The following SPPL2A variants were observed in gnomAD, a reference collection of about 807,000 sequenced individuals.
The protein encoded by SPPL2A is signal peptide peptidase-like 2A.
SPPL2A carries 51 observed loss-of-function variants against 63.8 expected under a neutral mutation model. The observed-to-expected ratio is 0.80, with a 90% CI of 0.64 to 1.01. The LOEUF (loss-of-function observed/expected upper bound fraction) is 1.01. Among genes scored for constraint, SPPL2A ranks in the 50% least tolerant of loss-of-function variants. The pLI, the probability that SPPL2A is intolerant of heterozygous loss-of-function variation, is 0.00. For missense variants in SPPL2A, 553 were observed against 622.7 expected, an observed-to-expected ratio of 0.89 and a Z score of 1.19; for synonymous variants, 188 against 205.8, an observed-to-expected ratio of 0.91 and a Z score of 0.74.
chr15:50,740,200 G>A (rs775307830), intron 5 of SPPL2A, among the ~76,000 whole-genome samples: 5 of 151,806 alleles, frequency 3.3e-5, no homozygotes, highest in South Asian at 2.1e-4. Context: ...AGGCTGAGGC[G>A]GGCGGATCAT....
chr15:50,723,744 G>A (rs1033405998), intron 12 of SPPL2A, among the ~76,000 whole-genome samples: 1 of 152,224 alleles, frequency 6.6e-6, no homozygotes, highest in Non-Finnish European at 1.5e-5. Flanking sequence ...CCAAAGGGCC[G>A]GGATTACAGG....
chr15:50,732,551 G>C lies in SPPL2A; in HGVS notation c.1014+52C>G. The C allele has an allele frequency of 2.6e-6, 3 of 1,133,608 alleles. No homozygotes were observed. The South Asian group carries it at 4.4e-5, about 17-fold the overall frequency. The allele number at this position is 1,133,608 out of a possible 1,614,324, so 70.2% of individuals were successfully genotyped here. A position where few individuals can be genotyped will look rare whatever the true frequency, so the allele number is the denominator to read the frequency against. ...TGTAGGTAAATTATGCCTTAATAAA[G>C]TTGTCTTTTAAAAATTTATTTTAAC... is the stretch of plus-strand genomic sequence containing the variant. On this transcript the variant is annotated intron_variant, in intron 9 of 14. Coordinates refer to ENST00000261854, the MANE Select transcript of SPPL2A (RefSeq NM_032802.4).
intron 14 of SPPL2A, among the ~76,000 whole-genome samples, chr15:50,711,206 CTTTTTT>C (rs1302695528): frequency 8.7e-6 from 1 of 115,606 alleles, no homozygotes. Flanking sequence ...AATTAGTATC[CTTTTTT>C]TTTTTTTTTT....
chr15:50,739,601 A>T (rs924245999), intron 6 of SPPL2A, 79 bp downstream of exon 6: 1 of 1,078,810 alleles, frequency 9.3e-7, no homozygotes. Flanking sequence ...AGAATGGCTT[A>T]AAGGAAAAGA....
intron 1 of SPPL2A, among the ~76,000 whole-genome samples, chr15:50,759,048 G>T (rs2062986675): frequency 6.6e-6 from 1 of 152,020 alleles, no homozygotes. Context: ...CTACAGGCAT[G>T]ATCCACTGTA....
intron 14 of SPPL2A, among the ~76,000 whole-genome samples, chr15:50,711,010 A>G (rs2062551708): frequency 6.6e-6 from 1 of 151,952 alleles, no homozygotes; most frequent in African/African-American, 2.4e-5. Context: ...ACTCTGCTTG[A>G]TTTTTCTCTT....
At chr15:50,742,403 A>AT (rs1181069113) in intron 5 of SPPL2A, among the ~76,000 whole-genome samples, 2 of 152,032 alleles carry the variant, frequency 1.3e-5, no homozygotes, top group Admixed American at 6.6e-5. Context: ...AAAAAAAAAA[A>AT]GATTTTAACA....
chr15:50,743,649 A>G (rs1352040327), intron 5 of SPPL2A, among the ~76,000 whole-genome samples: 1 of 152,068 alleles, frequency 6.6e-6, no homozygotes, highest in Admixed American at 6.6e-5. Flanking sequence ...GCCTGGCCTG[A>G]ATTTGTATTT....
intron 14 of SPPL2A, among the ~76,000 whole-genome samples, chr15:50,711,162 G>C (rs939498783): frequency 1.3e-5 from 2 of 151,764 alleles, no homozygotes; most frequent in African/African-American, 4.8e-5. Context: ...ACTAGTTTTG[G>C]GCTGTAGAAA....
chr15:50,746,217 A>G (rs1311065126), intron 5 of SPPL2A, among the ~76,000 whole-genome samples: 1 of 151,984 alleles, frequency 6.6e-6, no homozygotes, highest in Non-Finnish European at 1.5e-5. Context: ...AGGCGGGCAG[A>G]TCAAAAGGTC....
intron 4 of SPPL2A, 45 bp from the exon 5 acceptor site, chr15:50,747,673 C>A: frequency 6.9e-7 from 1 of 1,444,882 alleles, no homozygotes; most frequent in South Asian, 1.2e-5. Context: ...ACTTTTCTTT[C>A]TACTATAGTC....
At chr15:50,760,258 CTTT>C (rs10717809) in intron 1 of SPPL2A, among the ~76,000 whole-genome samples, 2 of 147,780 alleles carry the variant, frequency 1.4e-5, no homozygotes, top group Non-Finnish European at 1.5e-5. Flanking sequence ...TCTCTGATGT[CTTT>C]TTTTTTTTTT....
In SPPL2A at chr15:50,748,147, A is replaced by C. The variant is rs770415965; in HGVS notation, c.416T>G (p.Phe139Cys). The C allele has an allele frequency of 1.4e-5, 21 of 1,510,864 alleles. No individual in the cohort carries two copies. Among genetic ancestry groups the C allele is most frequent in the Non-Finnish European group, 1.9e-5 (21 of 1,127,700 alleles). The allele number at this position is 1,510,864 out of a possible 1,614,324, so 93.6% of individuals were successfully genotyped here. A position where few individuals can be genotyped will look rare whatever the true frequency, so the allele number is the denominator to read the frequency against. Residue 139 changes from phenylalanine to cysteine, a missense_variant, in exon 4 of 15, where the codon TTT becomes TGT. Coordinates refer to ENST00000261854, the MANE Select transcript of SPPL2A (RefSeq NM_032802.4). Reference protein sequence around the residue: ...EFPDVKILIAFISYKDFRDMN... With the variant: ...EFPDVKILIACISYKDFRDMN... ...ATCTCTAAAGTCTTTGTAGCTTATA[A>C]ATGCAATCAGTATTTTCACATCAGG...
Position 50,722,022 on chromosome 15 carries a change from A to C in SPPL2A, c.1327+102T>G. ...CAAAGTGCTAGGACTCCAGGGGTGA[A>C]CCACCATGCCCAAACTGTACTCCTT... On this transcript the variant is annotated intron_variant, in intron 13 of 14. Transcript: ENST00000261854. 3.0e-6 allele frequency: 2 copies of C among 669,860 alleles called. 1 individual carries two copies. Among genetic ancestry groups the C allele is most frequent in the Admixed American group, 4.8e-5 (2 of 41,558 alleles). The allele number at this position is 669,860 out of a possible 1,614,324, so 41.5% of individuals were successfully genotyped here.
At chr15:50,758,140 T>A (rs1348168976) in intron 1 of SPPL2A, among the ~76,000 whole-genome samples, 28 of 149,758 alleles carry the variant, frequency 1.9e-4, no homozygotes, top group Admixed American at 1.9e-3. Context: ...TACAAAAAAA[T>A]TAGCCAGGCA....
Position 50,703,354 on chromosome 15 carries a change from ATATT to A in SPPL2A, c.*4442_*4445del, listed in dbSNP as rs1567144040. ...TATATATATATATATATACATATAT[ATATT>A]TTTTTTTTTTTTTTTTTTTTTTGAG... On this transcript the variant is annotated 3_prime_UTR_variant, in exon 15 of 15. Coordinates refer to ENST00000261854, the MANE Select transcript of SPPL2A (RefSeq NM_032802.4). 4 of 65,834 alleles carry A rather than the reference ATATT, an allele frequency of 6.1e-5. No homozygotes were observed. The highest frequency in any genetic ancestry group is 5.9e-4 in the East Asian group (1 of 1,702). The allele number at this position is 65,834 out of a possible 1,614,324, so 4.1% of individuals were successfully genotyped here. A position where few individuals can be genotyped will look rare whatever the true frequency, so the allele number is the denominator to read the frequency against.
chr15:50,758,494 A>AT (rs1477485203), intron 1 of SPPL2A, among the ~76,000 whole-genome samples: 12 of 150,552 alleles, frequency 8.0e-5, no homozygotes, highest in South Asian at 6.3e-4. Context: ...CCCCTGGCCC[A>AT]TTTTTTTGTA....
chr15:50,744,086 G>A (rs1008119108), intron 5 of SPPL2A, among the ~76,000 whole-genome samples: 4 of 151,868 alleles, frequency 2.6e-5, no homozygotes, highest in African/African-American at 9.7e-5. Context: ...GGCTGAGGCA[G>A]GAGAATTGCT....
chr15:50,748,836 G>A lies in SPPL2A; in HGVS notation c.212C>T (p.Pro71Leu). 3.8e-6 allele frequency: 6 copies of A among 1,597,056 alleles called. No homozygotes were observed. The highest frequency in any genetic ancestry group is 5.1e-6 in the Non-Finnish European group (6 of 1,173,840). Reference protein sequence around the residue: ...SISLMNLTSTPLCNLSDIPPV... With the variant: ...SISLMNLTSTLLCNLSDIPPV... ...AGGAATATCAGAAAGGTTGCATAGT[G>A]GTGTGGAAGTCAGATTCATCAAACT... Residue 71 changes from proline to leucine, a missense_variant, in exon 3 of 15, where the codon CCA (proline) becomes CTA (leucine). Pro to Leu is a moderately conservative substitution (Grantham distance 98). Coordinates refer to ENST00000261854, the MANE Select transcript of SPPL2A (RefSeq NM_032802.4).
Sources: allele counts gnomAD v4.1 joint callset (sites outside exome capture counted in the v4.1 genomes callset), GRCh38; gene constraint gnomAD v4.1.1; transcripts MANE v1.5; gene names NCBI Gene and HGNC (gene_info 2026-07-23, HGNC 2026-07-21).